Variants in ADD1 observed in about 807,000 individuals in gnomAD.
The protein encoded by ADD1 is alpha-adducin.
A neutral mutation model predicts 80.5 loss-of-function variants in ADD1; 24 were observed. The ratio of observed to expected loss-of-function variants is 0.30; its 90% CI spans 0.22 to 0.42. The LOEUF is 0.42. ADD1 is among the 10% of genes least tolerant of loss of function. The pLI is 1.00. For synonymous variants in ADD1, 373 were observed against 393.8 expected (o/e 0.95, Z 0.63); for missense variants, 948 against 1,019.0 (o/e 0.93, Z 0.95).
chr4:2,876,987 G>A (rs1731440217), intron 2 of ADD1, among the ~76,000 whole-genome samples: 1 of 142,156 alleles, frequency 7.0e-6, no homozygotes, highest in African/African-American at 2.7e-5. Context: ...GGGCAACAGA[G>A]CGAGACTCTG....
At chr4:2,923,743 G>A (rs1013051641) in intron 14 of ADD1, among the ~76,000 whole-genome samples, 2 of 152,242 alleles carry the variant, frequency 1.3e-5, no homozygotes, top group Non-Finnish European at 2.9e-5. Flanking sequence ...GTGCTATTGT[G>A]CGTACATCTC....
rs776357722 is a variant in ADD1 at position 2,928,502 on chromosome 4, CAAG to C, written c.2387_2389del (p.Lys796del). On this transcript the variant is annotated inframe_deletion, in exon 16 of 16. Coordinates refer to ENST00000683351, the MANE Select transcript of ADD1 (RefSeq NM_001354761.2). ...GTACCCCGTCCTTTCTGAAGAAGAG[CAAG>C]AAGAAGAGTGACTCCTGAAAGCCCT... 4.5e-5 allele frequency: 73 copies of C among 1,613,496 alleles called. No individual in the cohort carries two copies. The highest frequency in any genetic ancestry group is 1.8e-4 in the South Asian group (16 of 91,060).
rs768166868 is a variant in ADD1 at position 2,907,863 on chromosome 4, C to T, written c.1608+19C>T. On this transcript the variant is annotated intron_variant, in intron 11 of 15. Coordinates refer to ENST00000683351, the MANE Select transcript of ADD1 (RefSeq NM_001354761.2). ...GAACAAGGTGCGTCCTGCGTCGGCA[C>T]TCAGCGGGGGCTTGGGTGTGGGATT... 7 of 1,600,862 alleles carry T rather than the reference C, an allele frequency of 4.4e-6. No individual in the cohort carries two copies. In the East Asian group the frequency reaches 1.6e-4, roughly 36 times the overall value.
chr4:2,894,132 G>A, intron 5 of ADD1, 39 bp downstream of exon 5: 1 of 1,470,538 alleles, frequency 6.8e-7, no homozygotes, highest in Non-Finnish European at 9.5e-7. Flanking sequence ...GTATGTGCAG[G>A]TCATGTTAGG....
At chr4:2,885,882 T>G (rs188606398) in intron 4 of ADD1, among the ~76,000 whole-genome samples, 3 of 152,090 alleles carry the variant, frequency 2.0e-5, no homozygotes, top group African/African-American at 7.3e-5. Context: ...AGTGCTGGGA[T>G]TACAGGCGTG....
At chr4:2,854,647 C>A (rs1030081129) in intron 1 of ADD1, among the ~76,000 whole-genome samples, 2 of 152,028 alleles carry the variant, frequency 1.3e-5, no homozygotes, top group Non-Finnish European at 2.9e-5. Context: ...CGAATAAATG[C>A]TTTTATTTTC....
At chr4:2,859,631 C>T (rs181482285) in intron 1 of ADD1, among the ~76,000 whole-genome samples, 2 of 152,344 alleles carry the variant, frequency 1.3e-5, no homozygotes, top group African/African-American at 4.8e-5. Context: ...GCAGACATTT[C>T]CCATCTACCA....
chr4:2,916,066 G>A (rs1436411053), intron 14 of ADD1, among the ~76,000 whole-genome samples: 2 of 152,078 alleles, frequency 1.3e-5, no homozygotes, highest in East Asian at 1.9e-4. Flanking sequence ...GAGGGCATTG[G>A]TCCTTCTCCC....
chr4:2,928,240 T>TGTC lies in ADD1; in HGVS notation c.2118_2120dup (p.Ser707dup). The TGTC allele has an allele frequency of 6.2e-7, 1 of 1,614,096 alleles. No individual in the cohort carries two copies. ...ACCTTTAAGCCAACTCTCCCCGATC[T>TGTC]GTCCCCTGATGAACCTTCAGAAGCA... On this transcript the variant is annotated inframe_insertion, in exon 16 of 16. Transcript: ENST00000683351.
intron 12 of ADD1, chr4:2,908,904 G>C (rs1001680282): frequency 1.5e-5 from 7 of 481,452 alleles, no homozygotes; most frequent in Non-Finnish European, 2.6e-5. Context: ...GTTCAGCAGC[G>C]TTCTGTGTAA....
chr4:2,915,153 A>G, intron 14 of ADD1, 113 bp downstream of exon 14: 1 of 1,193,224 alleles, frequency 8.4e-7, no homozygotes, highest in Non-Finnish European at 1.2e-6. Flanking sequence ...CACATGCATC[A>G]AAGACAAACC....
chr4:2,916,631 A>G (rs113905456), intron 14 of ADD1, among the ~76,000 whole-genome samples: 1 of 152,064 alleles, frequency 6.6e-6, no homozygotes, highest in African/African-American at 2.4e-5. Flanking sequence ...TGGCACATGT[A>G]TGGGTGGCAC....
At chr4:2,892,208 T>G (rs914334316) in intron 4 of ADD1, among the ~76,000 whole-genome samples, 1 of 152,170 alleles carries the variant, frequency 6.6e-6, no homozygotes, top group Non-Finnish European at 1.5e-5. Flanking sequence ...GAAGCTGGAC[T>G]AAACACCTTA....
chr4:2,867,072 AAAAG>A (rs950073948), intron 1 of ADD1, among the ~76,000 whole-genome samples: 8 of 152,274 alleles, frequency 5.3e-5, no homozygotes, highest in African/African-American at 1.7e-4. Flanking sequence ...CCCAGTCTGA[AAAAG>A]AAAGAAAGAA....
At chr4:2,863,396 G>A (rs1355144564) in intron 1 of ADD1, among the ~76,000 whole-genome samples, 1 of 151,898 alleles carries the variant, frequency 6.6e-6, no homozygotes, top group East Asian at 1.9e-4. Context: ...TTATTTGAAT[G>A]TTAATATAGG....
intron 14 of ADD1, among the ~76,000 whole-genome samples, chr4:2,917,513 G>A (rs957163011): frequency 2.4e-4 from 36 of 152,246 alleles, no homozygotes; most frequent in African/African-American, 7.9e-4. Context: ...TTCTTCTGGT[G>A]TGCAGAAGCT....
intron 2 of ADD1, among the ~76,000 whole-genome samples, chr4:2,876,838 C>CA (rs35435678): frequency 0.22 from 28,477 of 127,898 alleles, 2,959 homozygotes; most frequent in East Asian, 0.49. Flanking sequence ...GACTCCGTCC[C>CA]AAAAAAAAAA....
chr4:2,865,169 CTT>C (rs113074488), intron 1 of ADD1, among the ~76,000 whole-genome samples: 2,677 of 151,902 alleles, frequency 0.018, 70 homozygotes, highest in African/African-American at 0.059. Flanking sequence ...ACTATTTTCT[CTT>C]GTTTTTTTTT....
chr4:2,925,232 G>A (rs1035777947), intron 14 of ADD1, among the ~76,000 whole-genome samples: 5 of 152,202 alleles, frequency 3.3e-5, no homozygotes, highest in Non-Finnish European at 5.9e-5. Flanking sequence ...CCTGGCTTCT[G>A]GAAGGTAGCT....
Sources: allele counts gnomAD v4.1 joint callset (sites outside exome capture counted in the v4.1 genomes callset), GRCh38; gene constraint gnomAD v4.1.1; transcripts MANE v1.5; gene names NCBI Gene and HGNC (gene_info 2026-07-23, HGNC 2026-07-21).